The following FAF1 variants were observed in gnomAD, a reference collection of about 807,000 sequenced individuals.
FAF1 encodes Fas associated factor 1.
Under a neutral mutation model 92.5 loss-of-function variants are expected in FAF1, and 25 were observed. That is an observed-to-expected ratio of 0.27 (90% CI 0.20 to 0.38). The LOEUF (loss-of-function observed/expected upper bound fraction) is 0.38, where lower values mean the gene tolerates loss of function less well. FAF1 is among the 10% of genes least tolerant of loss of function. The probability of loss-of-function intolerance (pLI) is 1.00; values close to 1 mark genes in which losing one functional copy is unlikely to be tolerated. For missense variants in FAF1, 636 were observed against 793.3 expected (o/e 0.80, Z 2.38); for synonymous variants, 234 against 273.2 (o/e 0.86, Z 1.42).
At chr1:50,528,371 C>A (rs1357100487) in intron 15 of FAF1, among the ~76,000 whole-genome samples, 2 of 152,024 alleles carry the variant, frequency 1.3e-5, no homozygotes, top group Non-Finnish European at 2.9e-5. Context: ...AAAAAAAATT[C>A]TATTGATTTA....
Position 50,562,546 on chromosome 1 carries a change from A to C in FAF1, c.1268+4531T>G, listed in dbSNP as rs147972280. Reference sequence around the variant, plus strand: ...GGTAATATAAAAATCTCTAAATAGAAAGAGTAAAGTTCTAACTTCATCTTT... The same window carrying C: ...GGTAATATAAAAATCTCTAAATAGACAGAGTAAAGTTCTAACTTCATCTTT... On this transcript the variant is annotated intron_variant, in intron 13 of 18. Transcript: ENST00000396153. 1.4e-4 allele frequency among the ~76,000 whole-genome samples: 21 copies of C among 152,346 alleles called. No individual in the cohort carries two copies. In the East Asian group the frequency reaches 3.9e-3, roughly 28 times the overall value.
At chr1:50,666,833 A>G (rs1362849943) in intron 7 of FAF1, among the ~76,000 whole-genome samples, 1 of 152,148 alleles carries the variant, frequency 6.6e-6, no homozygotes, top group East Asian at 1.9e-4. Context: ...CAGTGAGACG[A>G]GGCCACACCA....
intron 2 of FAF1, among the ~76,000 whole-genome samples, chr1:50,817,446 G>A (rs933807054): frequency 1.6e-4 from 24 of 152,150 alleles, no homozygotes; most frequent in African/African-American, 5.8e-4. Context: ...CAAAATTATA[G>A]AGACAGACAG....
intron 13 of FAF1, among the ~76,000 whole-genome samples, chr1:50,556,484 C>T (rs1649588188): frequency 6.6e-6 from 1 of 152,094 alleles, no homozygotes; most frequent in African/African-American, 2.4e-5. Flanking sequence ...GATTTCACCA[C>T]TATACAGTTC....
chr1:50,806,501 C>T (rs761241028), intron 2 of FAF1, among the ~76,000 whole-genome samples: 1 of 152,170 alleles, frequency 6.6e-6, no homozygotes, highest in Non-Finnish European at 1.5e-5. Flanking sequence ...GCCCTGCTTC[C>T]ACCACTACCC....
At chr1:50,959,044 A>G (rs1243062195) in intron 1 of FAF1, among the ~76,000 whole-genome samples, 1 of 152,228 alleles carries the variant, frequency 6.6e-6, no homozygotes, top group Non-Finnish European at 1.5e-5. Context: ...TGGGTTTATT[A>G]AGAGAACAGC....
At chr1:50,888,671 G>A (rs139876701) in intron 1 of FAF1, among the ~76,000 whole-genome samples, 1,978 of 152,274 alleles carry the variant, frequency 0.013, 42 homozygotes, top group African/African-American at 0.044. Context: ...TACGTTTACT[G>A]ATTTGCGTAT....
chr1:50,882,213 G>A (rs1644617686), intron 1 of FAF1, among the ~76,000 whole-genome samples: 2 of 152,042 alleles, frequency 1.3e-5, no homozygotes, highest in Admixed American at 1.3e-4. Context: ...AAAACACCTT[G>A]GAAGAAAAAA....
intron 1 of FAF1, among the ~76,000 whole-genome samples, chr1:50,863,833 T>C (rs1022598774): frequency 3.9e-5 from 6 of 152,228 alleles, no homozygotes; most frequent in Admixed American, 3.3e-4. Flanking sequence ...CATCTGGTCC[T>C]GGACTCTTTT....
chr1:50,636,379 CTTTTTTTTTTT>C (rs1213567555), intron 8 of FAF1, among the ~76,000 whole-genome samples: 1 of 79,876 alleles, frequency 1.3e-5, no homozygotes, highest in Non-Finnish European at 2.2e-5. Flanking sequence ...GGGGCGTGTC[CTTTTTTTTTTT>C]TTTTTTTTTT....
chr1:50,644,234 A>G (rs1654475982), intron 8 of FAF1, among the ~76,000 whole-genome samples: 1 of 152,182 alleles, frequency 6.6e-6, no homozygotes, highest in African/African-American at 2.4e-5. Flanking sequence ...TCTAGGGCCA[A>G]TTTATCCACT....
rs1646555229 is a variant in FAF1 at position 50,470,308 on chromosome 1, T to C, written c.1869+5156A>G. ...CAGTTTTTAAAAGGACTCAATAATCTCAAAAAGCAATGGTCATAAGAAAAC... is the reference window on the plus strand; with the variant it reads ...CAGTTTTTAAAAGGACTCAATAATCCCAAAAAGCAATGGTCATAAGAAAAC... On this transcript the variant is annotated intron_variant, in intron 18 of 18. Transcript: ENST00000396153. 2.0e-5 allele frequency among the ~76,000 whole-genome samples: 3 copies of C among 152,280 alleles called. No homozygotes were observed. In the South Asian group the frequency reaches 6.2e-4, roughly 32 times the overall value.
chr1:50,745,060 G>A (rs546756073), intron 4 of FAF1, among the ~76,000 whole-genome samples: 1 of 152,238 alleles, frequency 6.6e-6, no homozygotes, highest in East Asian at 1.9e-4. Flanking sequence ...GGCCAAGGTG[G>A]GCAGATCACC....
intron 7 of FAF1, among the ~76,000 whole-genome samples, chr1:50,668,521 G>A (rs1348819920): frequency 6.6e-6 from 1 of 152,202 alleles, no homozygotes; most frequent in Non-Finnish European, 1.5e-5. Flanking sequence ...AGTTATAAGA[G>A]TAAAGTCACC....
intron 2 of FAF1, among the ~76,000 whole-genome samples, chr1:50,826,431 T>C (rs1182420924): frequency 6.6e-6 from 1 of 151,796 alleles, no homozygotes; most frequent in Non-Finnish European, 1.5e-5. Context: ...ACACCTGTCA[T>C]CCCAGCTACT....
chr1:50,763,685 A>G (rs1660450523), intron 4 of FAF1, among the ~76,000 whole-genome samples: 1 of 152,142 alleles, frequency 6.6e-6, no homozygotes, highest in Non-Finnish European at 1.5e-5. Context: ...GACCTTTTCA[A>G]CAGTTAAACT....
chr1:50,809,114 G>C (rs1487232438), intron 2 of FAF1, among the ~76,000 whole-genome samples: 1 of 152,052 alleles, frequency 6.6e-6, no homozygotes, highest in East Asian at 1.9e-4. Context: ...CTGGGACATA[G>C]CTAAAGCAAT....
chr1:50,457,839 T>C (rs1343718534), intron 18 of FAF1, among the ~76,000 whole-genome samples: 1 of 136,320 alleles, frequency 7.3e-6, no homozygotes, highest in Non-Finnish European at 1.5e-5. Flanking sequence ...TACTCCAGCC[T>C]GGGTGACAGA....
At chr1:50,650,439 G>T (rs531577888) in intron 8 of FAF1, among the ~76,000 whole-genome samples, 1 of 151,908 alleles carries the variant, frequency 6.6e-6, no homozygotes, top group African/African-American at 2.4e-5. Flanking sequence ...GGCCAACACA[G>T]CGAAACCCTG....
Sources: gnomAD v4.1 joint callset for allele counts (sites outside exome capture counted in the v4.1 genomes callset) on GRCh38, gnomAD v4.1.1 for gene constraint, MANE v1.5 for transcripts, NCBI Gene and HGNC (gene_info 2026-07-23, HGNC 2026-07-21) for gene names.